Variants in AGAP1 observed in about 807,000 individuals in gnomAD.
AGAP1 encodes the protein ArfGAP with GTPase domain, ankyrin repeat and PH domain 1, also known as arf-GAP with GTPase, ANK repeat and PH domain-containing protein 1.
A neutral mutation model predicts 105.3 loss-of-function variants in AGAP1; 29 were observed. That is an observed-to-expected ratio of 0.28 (90% CI 0.21 to 0.38). AGAP1 has a LOEUF of 0.38. Ranked by LOEUF, AGAP1 falls within the 10% of genes least tolerant of loss-of-function variation. The pLI, the probability that AGAP1 is intolerant of heterozygous loss-of-function variation, is 1.00. For missense variants in AGAP1, 998 were observed against 1,165.1 expected (o/e 0.86, Z 2.09); for synonymous variants, 509 against 485.9 (o/e 1.05, Z -0.63).
rs1233587199 is a variant in AGAP1 at position 235,866,522 on chromosome 2, C to T, written c.1051-16823C>T. 6.6e-6 allele frequency among the ~76,000 whole-genome samples: 1 copy of T among 152,148 alleles called. No homozygotes were observed. Among genetic ancestry groups the T allele is most frequent in the African/African-American group, 2.4e-5 (1 of 41,424 alleles). On this transcript the variant is annotated intron_variant, in intron 9 of 17. Coordinates refer to ENST00000304032, the MANE Select transcript of AGAP1 (RefSeq NM_001037131.3). The surrounding 1 kb of genome is among the most constrained non-coding windows in gnomAD (Gnocchi z 6.1). ...TGAGACTGGTGAGGTCAGCATTGGA[C>T]CACCTCCCATGCTGGGTGCCATCAG...
chr2:236,126,279 A>C lies in AGAP1; in HGVS notation c.*2157A>C, dbSNP rs930617676. On this transcript the variant is annotated 3_prime_UTR_variant, in exon 18 of 18. Coordinates refer to ENST00000304032, the MANE Select transcript of AGAP1 (RefSeq NM_001037131.3). Reference sequence around the variant, plus strand: ...CTATTGTAAATGTGAATAGAAAAAAACAGGTCATTGCCTATTTTTGAAGAA... The same window carrying C: ...CTATTGTAAATGTGAATAGAAAAAACCAGGTCATTGCCTATTTTTGAAGAA... The C allele has an allele frequency of 2.6e-5, 4 of 152,176 alleles. No individual in the cohort carries two copies. Among genetic ancestry groups the C allele is most frequent in the Non-Finnish European group, 4.4e-5 (3 of 68,030 alleles). 9.4% of individuals were successfully genotyped at this position (152,176 alleles called of 1,614,324 possible).
chr2:236,069,834 G>T (rs1576225388), intron 16 of AGAP1, among the ~76,000 whole-genome samples: 1 of 152,170 alleles, frequency 6.6e-6, no homozygotes. Context: ...AGGGGATAGG[G>T]TTCTGATTTA....
At chr2:236,043,233 G>C (rs956115654) in intron 15 of AGAP1, among the ~76,000 whole-genome samples, 16 of 152,236 alleles carry the variant, frequency 1.1e-4, no homozygotes, top group African/African-American at 3.4e-4. Flanking sequence ...CTTTTGAAGA[G>C]TGGATGCCCT....
chr2:235,646,248 C>T (rs13005372), intron 1 of AGAP1, among the ~76,000 whole-genome samples: 15,692 of 124,506 alleles, frequency 0.13, 1,178 homozygotes, highest in East Asian at 0.35. Context: ...CCAGCCTGGG[C>T]AACAGATCTA....
chr2:235,915,722 A>G (rs1298896699), intron 11 of AGAP1, among the ~76,000 whole-genome samples: 1 of 152,094 alleles, frequency 6.6e-6, no homozygotes, highest in East Asian at 1.9e-4. Context: ...AGTTTTATGA[A>G]TAAAGATTGT....
chr2:235,496,606 C>G (rs528954906), intron 1 of AGAP1, among the ~76,000 whole-genome samples: 2 of 152,338 alleles, frequency 1.3e-5, no homozygotes, highest in African/African-American at 4.8e-5. Flanking sequence ...CTGAGAGCCT[C>G]TTTTGCTGCA....
chr2:235,531,738 A>G (rs1281349966), intron 1 of AGAP1, among the ~76,000 whole-genome samples: 2 of 151,480 alleles, frequency 1.3e-5, no homozygotes, highest in Non-Finnish European at 2.9e-5. Flanking sequence ...CTCCCAGAGT[A>G]GCTGGGATTA....
At chr2:235,881,162 A>C (rs2106617742) in intron 9 of AGAP1, among the ~76,000 whole-genome samples, 1 of 152,350 alleles carries the variant, frequency 6.6e-6, no homozygotes, top group Admixed American at 6.5e-5. Flanking sequence ...TACTTTATTA[A>C]GTTTGTGAAA....
intron 9 of AGAP1, among the ~76,000 whole-genome samples, chr2:235,816,774 C>T (rs989824333): frequency 1.3e-5 from 2 of 151,890 alleles, no homozygotes; most frequent in Non-Finnish European, 2.9e-5. Flanking sequence ...ACCTGTAATC[C>T]CACCTACCTG....
At chr2:235,805,130 G>A (rs1957773139) in intron 8 of AGAP1, among the ~76,000 whole-genome samples, 1 of 152,204 alleles carries the variant, frequency 6.6e-6, no homozygotes, top group Non-Finnish European at 1.5e-5. Context: ...CTAACATCTT[G>A]CCACTGTTCT....
chr2:236,001,535 CAGG>C lies in AGAP1; in HGVS notation c.1645+32918_1645+32920del, dbSNP rs1441102495. On this transcript the variant is annotated intron_variant, in intron 13 of 17. Transcript: ENST00000304032. This position sits in a 1 kb window ranked among gnomAD's most constrained non-coding sequence, Gnocchi z 4.7. ...GTGGCTTCCCCAGGCATCAGCGCCACAGGAGGAGAGACACAGACTGTGGCTTGC... is the reference window on the plus strand; with the variant it reads ...GTGGCTTCCCCAGGCATCAGCGCCACAGGAGAGACACAGACTGTGGCTTGC... 6.6e-6 allele frequency among the ~76,000 whole-genome samples: 1 copy of C among 152,086 alleles called. No individual in the cohort carries two copies. The highest frequency in any genetic ancestry group is 1.5e-5 in the Non-Finnish European group (1 of 68,020).
Position 235,659,574 on chromosome 2 carries a change from C to A in AGAP1, c.164-49605C>A, listed in dbSNP as rs1157911341. 6.6e-6 allele frequency among the ~76,000 whole-genome samples: 1 copy of A among 152,106 alleles called. No homozygotes were observed. Among genetic ancestry groups the A allele is most frequent in the Non-Finnish European group, 1.5e-5 (1 of 68,034 alleles). The stretch of plus-strand genomic sequence containing the variant: ...CCCTGCTCGGGGTCCCTTTGCAGCT[C>A]CCCTGAACGTGCCATTTGAAGCATA... On this transcript the variant is annotated intron_variant, in intron 1 of 17. Transcript: ENST00000304032. The surrounding 1 kb of genome is among the most constrained non-coding windows in gnomAD (Gnocchi z 5.0).
At chr2:235,498,046 C>CG (rs1941397585) in intron 1 of AGAP1, among the ~76,000 whole-genome samples, 2 of 130,560 alleles carry the variant, frequency 1.5e-5, no homozygotes, top group Non-Finnish European at 3.1e-5. Flanking sequence ...CAGCCTTGTC[C>CG]AGGGGAAGGA....
At chr2:236,032,108 T>G (rs2057242477) in intron 13 of AGAP1, among the ~76,000 whole-genome samples, 1 of 152,220 alleles carries the variant, frequency 6.6e-6, no homozygotes, top group African/African-American at 2.4e-5. Context: ...CCTCCTCTTT[T>G]TAGACCTTGG....
intron 12 of AGAP1, among the ~76,000 whole-genome samples, chr2:235,939,869 C>T (rs2053178566): frequency 6.6e-6 from 1 of 152,164 alleles, no homozygotes; most frequent in Non-Finnish European, 1.5e-5. Flanking sequence ...TCAGCTCTCT[C>T]CTGTCCTCCC....
At position 235,741,066 on chromosome 2, in the gene AGAP1, C is replaced by G. The variant is rs1211995622; in HGVS notation, c.396+18C>G. 6.4e-7 allele frequency: 1 copy of G among 1,557,416 alleles called. No homozygotes were observed. Among genetic ancestry groups the G allele is most frequent in the Admixed American group, 1.8e-5 (1 of 55,864 alleles). ...AGGCGCAGGTGAGTATACATGCATG[C>G]CCCAAGCCTGCTTTTTTTCCCTTTG... On this transcript the variant is annotated intron_variant, in intron 4 of 17. Coordinates refer to ENST00000304032, the MANE Select transcript of AGAP1 (RefSeq NM_001037131.3). This position sits in a 1 kb window ranked among gnomAD's most constrained non-coding sequence, Gnocchi z 4.9.
In AGAP1 at chr2:236,101,038, G is replaced by A. The variant is rs563170535; in HGVS notation, c.2115-19154G>A. On this transcript the variant is annotated intron_variant, in intron 16 of 17. Coordinates refer to ENST00000304032, the MANE Select transcript of AGAP1 (RefSeq NM_001037131.3). The surrounding 1 kb of genome is among the most constrained non-coding windows in gnomAD (Gnocchi z 4.9). Reference sequence around the variant, plus strand: ...ATCAGCTAGGCTGACACAGGGGTCCGCAGACCCAGGCCCCTCATTCCATCA... The same window carrying A: ...ATCAGCTAGGCTGACACAGGGGTCCACAGACCCAGGCCCCTCATTCCATCA... 2.6e-5 allele frequency among the ~76,000 whole-genome samples: 4 copies of A among 152,190 alleles called. No individual in the cohort carries two copies. The highest frequency in any genetic ancestry group is 6.5e-5 in the Admixed American group (1 of 15,278).
chr2:235,765,823 T>TCA (rs1342571432), intron 6 of AGAP1, among the ~76,000 whole-genome samples: 1 of 152,198 alleles, frequency 6.6e-6, no homozygotes, highest in African/African-American at 2.4e-5. Context: ...GTCATCTGGG[T>TCA]ACTGGGAAAT....
intron 12 of AGAP1, among the ~76,000 whole-genome samples, chr2:235,939,143 A>G (rs1011609756): frequency 2.0e-5 from 3 of 152,164 alleles, no homozygotes; most frequent in Non-Finnish European, 4.4e-5. Context: ...GACAACTTTG[A>G]CACCAAGTAG....
Sources: allele counts gnomAD v4.1 joint callset (sites outside exome capture counted in the v4.1 genomes callset), GRCh38; gene constraint gnomAD v4.1.1; non-coding constraint Gnocchi (gnomAD v3.1); transcripts MANE v1.5; gene names NCBI Gene and HGNC (gene_info 2026-07-23, HGNC 2026-07-21).